Variants in TTLL11 observed in about 807,000 individuals in gnomAD.
TTLL11 encodes tubulin polyglutamylase TTLL11.
Under a neutral mutation model 51.7 loss-of-function variants are expected in TTLL11, and 42 were observed. The observed-to-expected ratio is 0.81, with a 90% CI of 0.64 to 1.05. TTLL11 has a LOEUF of 1.05. TTLL11 is among the 50% of genes least tolerant of loss of function. TTLL11 has a pLI of 0.00. For missense variants in TTLL11, 799 were observed against 940.4 expected, an observed-to-expected ratio of 0.85 and a Z score of 1.97; for synonymous variants, 381 against 383.5, an observed-to-expected ratio of 0.99 and a Z score of 0.08.
At chr9:121,882,358 G>T (rs144305439) in intron 6 of TTLL11, among the ~76,000 whole-genome samples, 1 of 152,274 alleles carries the variant, frequency 6.6e-6, no homozygotes, top group East Asian at 1.9e-4. Context: ...GCCGCAGCAC[G>T]AGAACACTGG....
In TTLL11 at chr9:121,822,899, A is replaced by G; in HGVS notation, c.1841-20T>C. ...ACATCCCTGTGAACAAAGAGACTGG[A>G]TGAGGGGGTGCACACAGCTGCCCTA... On this transcript the variant is annotated intron_variant, in intron 8 of 8. Transcript: ENST00000321582. This position sits in a 1 kb window ranked among gnomAD's most constrained non-coding sequence, Gnocchi z 5.8. 6.5e-7 allele frequency: 1 copy of G among 1,538,586 alleles called. No homozygotes were observed. The highest frequency in any genetic ancestry group is 8.8e-7 in the Non-Finnish European group (1 of 1,140,336).
chr9:121,895,479 G>A (rs1292986920), intron 6 of TTLL11, among the ~76,000 whole-genome samples: 1 of 149,968 alleles, frequency 6.7e-6, no homozygotes, highest in Non-Finnish European at 1.5e-5. Context: ...GGTTGTATGA[G>A]TGTTAGTGTG....
chr9:121,949,103 G>T (rs1410230747), intron 6 of TTLL11, among the ~76,000 whole-genome samples: 1 of 152,056 alleles, frequency 6.6e-6, no homozygotes, highest in East Asian at 1.9e-4. Flanking sequence ...TTGTGAGATG[G>T]GGCCATCTCA....
rs902400399 is a variant in TTLL11, at chr9:121,853,951, C to A, written c.1840+6386G>T. ...GTGCAGTAGGAGCAATGGGATCACA[C>A]TAGGGGCAGACCCGCTTCCTGAGCA... is the stretch of plus-strand genomic sequence containing the variant. On this transcript the variant is annotated intron_variant, in intron 8 of 8. Transcript: ENST00000321582. This position sits in a 1 kb window ranked among gnomAD's most constrained non-coding sequence, Gnocchi z 5.6. 6.6e-6 allele frequency among the ~76,000 whole-genome samples: 1 copy of A among 152,230 alleles called. No homozygotes were observed. Among genetic ancestry groups the A allele is most frequent in the African/African-American group, 2.4e-5 (1 of 41,454 alleles).
At chr9:121,908,902 A>G (rs897327686) in intron 6 of TTLL11, among the ~76,000 whole-genome samples, 1 of 152,190 alleles carries the variant, frequency 6.6e-6, no homozygotes, top group Non-Finnish European at 1.5e-5. Context: ...CCCTATCTCC[A>G]AATAAGGTCA....
intron 1 of TTLL11, among the ~76,000 whole-genome samples, chr9:122,059,850 T>G (rs1282536225): frequency 6.6e-6 from 1 of 152,200 alleles, no homozygotes; most frequent in Non-Finnish European, 1.5e-5. Context: ...TGGTTGTTGG[T>G]AGAATTCATC....
intron 1 of TTLL11, among the ~76,000 whole-genome samples, chr9:122,083,815 A>G (rs1415166409): frequency 6.6e-6 from 1 of 152,198 alleles, no homozygotes; most frequent in African/African-American, 2.4e-5. Flanking sequence ...ATCTCGAAAA[A>G]AAAGAAAGAA....
chr9:121,942,604 C>T (rs1405885925), intron 6 of TTLL11, among the ~76,000 whole-genome samples: 7 of 151,736 alleles, frequency 4.6e-5, no homozygotes, highest in Middle Eastern at 6.8e-3. Flanking sequence ...TAGTTAAAAA[C>T]ACCCTATTTT....
chr9:121,967,298 C>T (rs1842428259), intron 6 of TTLL11, among the ~76,000 whole-genome samples: 1 of 131,970 alleles, frequency 7.6e-6, no homozygotes, highest in South Asian at 2.6e-4. Flanking sequence ...CATCTTGGCT[C>T]ATTGCAACCT....
intron 1 of TTLL11, among the ~76,000 whole-genome samples, chr9:122,045,251 C>T (rs996013661): frequency 6.6e-6 from 1 of 151,786 alleles, no homozygotes; most frequent in Non-Finnish European, 1.5e-5. Flanking sequence ...TGGGTGTATC[C>T]CCCAAAAGAA....
Position 121,818,347 on chromosome 9 carries a change from G to C in TTLL11, c.*4240C>G, listed in dbSNP as rs867375956. 1.3e-5 allele frequency: 2 copies of C among 152,256 alleles called. No individual in the cohort carries two copies. Among genetic ancestry groups the C allele is most frequent in the Non-Finnish European group, 2.9e-5 (2 of 68,074 alleles). The allele number at this position is 152,256 out of a possible 1,614,324, so 9.4% of individuals were successfully genotyped here. On this transcript the variant is annotated 3_prime_UTR_variant, in exon 9 of 9. Transcript: ENST00000321582. ...GGAATGTAGAGGTGTTCAGCGGATC[G>C]GCTTGGCAAGGTTTAGAAATCTGTG...
intron 6 of TTLL11, among the ~76,000 whole-genome samples, chr9:121,873,985 C>G (rs1032087115): frequency 6.6e-6 from 1 of 151,804 alleles, no homozygotes; most frequent in Non-Finnish European, 1.5e-5. Flanking sequence ...GCTGGGATTA[C>G]AGGTGTGTGC....
intron 3 of TTLL11, among the ~76,000 whole-genome samples, chr9:122,029,989 T>C (rs1332153667): frequency 1.3e-5 from 2 of 152,210 alleles, no homozygotes; most frequent in African/African-American, 4.8e-5. Flanking sequence ...CGATAGGCTA[T>C]ACCGTATAGC....
chr9:121,996,984 A>C (rs1843288397), intron 3 of TTLL11, among the ~76,000 whole-genome samples: 1 of 152,172 alleles, frequency 6.6e-6, no homozygotes, highest in Non-Finnish European at 1.5e-5. Context: ...AGATGTTCTC[A>C]AGTTCACTGT....
chr9:121,917,424 T>C (rs1047471337), intron 6 of TTLL11, among the ~76,000 whole-genome samples: 1 of 151,240 alleles, frequency 6.6e-6, no homozygotes, highest in African/African-American at 2.4e-5. Context: ...GAGCTATGAT[T>C]GCACCACTGC....
intron 4 of TTLL11, among the ~76,000 whole-genome samples, chr9:121,975,610 G>A (rs369869124): frequency 1.3e-4 from 20 of 152,272 alleles, no homozygotes; most frequent in African/African-American, 4.8e-4. Context: ...TACATGGAAG[G>A]CTGAAGCAGG....
intron 6 of TTLL11, among the ~76,000 whole-genome samples, chr9:121,906,493 C>G (rs1472067601): frequency 6.6e-6 from 1 of 152,204 alleles, no homozygotes. Context: ...TTGTTCAAGT[C>G]TCCCATTAGG....
chr9:121,860,394 G>T lies in TTLL11; in HGVS notation c.1783C>A (p.Leu595Ile). 6 of 1,551,470 alleles carry T rather than the reference G, an allele frequency of 3.9e-6. No homozygotes were observed. The highest frequency in any genetic ancestry group is 5.2e-6 in the Non-Finnish European group (6 of 1,146,958). ...SSLSMAAVDILYIDITRRWNS... is the reference protein window; with the variant it reads ...SSLSMAAVDIIYIDITRRWNS... ...CACCTCCGTGTGATGTCAATGTAGA[G>T]GATGTCCACGGCAGCCATGGACAGG... is the stretch of plus-strand genomic sequence containing the variant. The change falls in exon 8 of 9, where the codon CTC becomes ATC. Residue 595 changes from leucine to isoleucine, a missense_variant. By Grantham distance (5) the Leu-to-Ile change is conservative. Around this residue, in one of 3 missense-constraint regions of TTLL11, gnomAD observed 165 missense variants for 166.1 expected, o/e 0.99. Transcript: ENST00000321582.
intron 8 of TTLL11, among the ~76,000 whole-genome samples, chr9:121,837,796 G>A (rs1837222325): frequency 6.6e-6 from 1 of 152,094 alleles, no homozygotes; most frequent in Non-Finnish European, 1.5e-5. Flanking sequence ...CTCCCAAAGG[G>A]CTCACGCCAA....
Sources: gnomAD v4.1 joint callset for allele counts (sites outside exome capture counted in the v4.1 genomes callset) on GRCh38, gnomAD v4.1.1 for gene constraint, gnomAD v4.1.1 regional missense constraint, Gnocchi (gnomAD v3.1) non-coding constraint, MANE v1.5 for transcripts, NCBI Gene and HGNC (gene_info 2026-07-23, HGNC 2026-07-21) for gene names.